The following MYLK variants were observed in gnomAD, a reference collection of about 807,000 sequenced individuals.
MYLK encodes myosin light chain kinase.
A neutral mutation model predicts 203.4 loss-of-function variants in MYLK; 106 were observed. That is an observed-to-expected ratio of 0.52 (90% CI 0.45 to 0.61). The LOEUF (loss-of-function observed/expected upper bound fraction) is 0.61. MYLK is among the 20% of genes least tolerant of loss of function. MYLK has a pLI of 0.00. For synonymous variants in MYLK, 867 were observed against 959.5 expected, an observed-to-expected ratio of 0.90 and a Z score of 1.78; for missense variants, 2,072 against 2,442.3, an observed-to-expected ratio of 0.85 and a Z score of 3.20.
intron 20 of MYLK, among the ~76,000 whole-genome samples, chr3:123,677,918 T>TATATATATATATATATATATACACAC (rs1273803739): frequency 7.6e-5 from 6 of 78,906 alleles, no homozygotes; most frequent in East Asian, 1.7e-3. Flanking sequence ...TATATATATA[T>TATATATATATATATATATATACACAC]ACACACACAC....
intron 2 of MYLK, among the ~76,000 whole-genome samples, chr3:123,846,502 C>T (rs1452683719): frequency 6.6e-6 from 1 of 151,992 alleles, no homozygotes; most frequent in Non-Finnish European, 1.5e-5. Context: ...GGACTGTTTC[C>T]CATTTTTTGC....
intron 11 of MYLK, among the ~76,000 whole-genome samples, chr3:123,731,294 C>G (rs1436977561): frequency 6.6e-6 from 1 of 152,202 alleles, no homozygotes; most frequent in Non-Finnish European, 1.5e-5. Context: ...CAACAGTATA[C>G]AGTGAAAAGT....
rs115538267 is a variant in MYLK at position 123,713,165 on chromosome 3, C to T, written c.1805-3272G>A. Among the ~76,000 whole-genome samples the T allele has an allele frequency of 1.4e-3, 217 of 152,260 alleles. 1 individual carries two copies. The highest frequency in any genetic ancestry group is 5.1e-3 in the African/African-American group (210 of 41,520). Reference sequence around the variant, plus strand: ...TTAGTTCGGTGTCACTCATTGCCCCCGGTCCTGTGTTTTGTTCCCCAAAGC... The same window carrying T: ...TTAGTTCGGTGTCACTCATTGCCCCTGGTCCTGTGTTTTGTTCCCCAAAGC... On this transcript the variant is annotated intron_variant, in intron 13 of 33. Coordinates refer to ENST00000360304, the MANE Select transcript of MYLK (RefSeq NM_053025.4).
intron 19 of MYLK, among the ~76,000 whole-genome samples, chr3:123,689,371 A>G (rs2060575886): frequency 6.6e-6 from 1 of 152,172 alleles, no homozygotes; most frequent in Non-Finnish European, 1.5e-5. Flanking sequence ...CCCCACAGGG[A>G]GGACTGTTAC....
chr3:123,752,214 G>A, intron 5 of MYLK, 117 bp downstream of exon 5: 1 of 1,075,704 alleles, frequency 9.3e-7, no homozygotes, highest in Non-Finnish European at 1.4e-6. Context: ...CAAGGATGGG[G>A]TGTGTTTTCT....
intron 4 of MYLK, among the ~76,000 whole-genome samples, chr3:123,780,836 T>A (rs2064269210): frequency 6.6e-6 from 1 of 152,046 alleles, no homozygotes; most frequent in South Asian, 2.1e-4. Flanking sequence ...AACACAAAGA[T>A]GAATAAGAGA....
rs2059095634 is a variant in MYLK at position 123,648,388 on chromosome 3, C to T, written c.4415+583G>A. ...GCATTGCTTTACAGTGAGCACTGATCAGGCTACACTGACTTCTGTGGATCA... is the reference window on the plus strand; with the variant it reads ...GCATTGCTTTACAGTGAGCACTGATTAGGCTACACTGACTTCTGTGGATCA... On this transcript the variant is annotated intron_variant, in intron 26 of 33. Transcript: ENST00000360304. This position sits in a 1 kb window ranked among gnomAD's most constrained non-coding sequence, Gnocchi z 4.5. Among the ~76,000 whole-genome samples, 1 of 152,204 alleles carries T rather than the reference C, an allele frequency of 6.6e-6. No homozygotes were observed. The highest frequency in any genetic ancestry group is 6.5e-5 in the Admixed American group (1 of 15,280).
Position 123,612,643 on chromosome 3 carries a change from T to C in MYLK, c.*1462A>G, listed in dbSNP as rs1218016447. 6.6e-6 allele frequency: 1 copy of C among 152,600 alleles called. No individual in the cohort carries two copies. Among genetic ancestry groups the C allele is most frequent in the African/African-American group, 2.4e-5 (1 of 41,434 alleles). The allele number at this position is 152,600 out of a possible 1,614,324, so 9.5% of individuals were successfully genotyped here. ...AGGAAAAATACTGGCAGTTTGAAAC[T>C]AGCAGCAAAAAGCAGATAAAAATAG... On this transcript the variant is annotated 3_prime_UTR_variant, in exon 34 of 34. Coordinates refer to ENST00000360304, the MANE Select transcript of MYLK (RefSeq NM_053025.4).
At chr3:123,771,804 TAACAC>T (rs1422667829) in intron 4 of MYLK, among the ~76,000 whole-genome samples, 1 of 152,224 alleles carries the variant, frequency 6.6e-6, no homozygotes, top group Non-Finnish European at 1.5e-5. Context: ...CAAATTCATC[TAACAC>T]AAGGCCTATT....
At chr3:123,821,751 G>A (rs2065944832) in intron 3 of MYLK, among the ~76,000 whole-genome samples, 1 of 152,196 alleles carries the variant, frequency 6.6e-6, no homozygotes, top group East Asian at 1.9e-4. Flanking sequence ...GTTTATGTAA[G>A]AGACAGGACA....
chr3:123,732,910 G>A lies in MYLK; in HGVS notation c.1502C>T (p.Thr501Ile), dbSNP rs1460837457. ...AGTGTACTCACTTTCCACTTGGAGG[G>A]TCCAGCTACAGGACAGCTGGCCTTG... ...NAQGQLSCSWTLQVERLAVME... is the reference protein window; with the variant it reads ...NAQGQLSCSWILQVERLAVME... The change falls in exon 11 of 34, where the codon ACC becomes ATC. Residue 501 changes from threonine to isoleucine, a missense_variant. Physicochemically the swap from Thr to Ile is moderately conservative, Grantham distance 89. Transcript: ENST00000360304. The A allele has an allele frequency of 1.2e-6, 2 of 1,614,114 alleles. No homozygotes were observed. Among genetic ancestry groups the A allele is most frequent in the Non-Finnish European group, 1.7e-6 (2 of 1,180,030 alleles).
chr3:123,755,413 C>A (rs529201430), intron 4 of MYLK, among the ~76,000 whole-genome samples: 39 of 152,248 alleles, frequency 2.6e-4, no homozygotes, highest in African/African-American at 9.1e-4. Context: ...CTCTGAAATG[C>A]CCTCTTAAAA....
At position 123,612,030 on chromosome 3, in the gene MYLK, G is replaced by T. The variant is rs1169617653; in HGVS notation, c.*2075C>A. On this transcript the variant is annotated 3_prime_UTR_variant, in exon 34 of 34. Transcript: ENST00000360304. ...GGTTCCTAACAGGCTACTTACCGGG[G>T]GTTGGGGACACCTGCTCTATAAGAT... 6.6e-6 allele frequency: 1 copy of T among 152,248 alleles called. No individual in the cohort carries two copies. Among genetic ancestry groups the T allele is most frequent in the African/African-American group, 2.4e-5 (1 of 41,426 alleles). The allele number at this position is 152,248 out of a possible 1,614,324, so 9.4% of individuals were successfully genotyped here. A position where few individuals can be genotyped will look rare whatever the true frequency, so the allele number is the denominator to read the frequency against.
At chr3:123,820,301 G>T (rs1161072936) in intron 3 of MYLK, among the ~76,000 whole-genome samples, 1 of 152,210 alleles carries the variant, frequency 6.6e-6, no homozygotes, top group African/African-American at 2.4e-5. Flanking sequence ...TGGGAGCAGG[G>T]AAGTACAGAT....
chr3:123,852,797 A>T (rs2148670146), intron 2 of MYLK, among the ~76,000 whole-genome samples: 1 of 152,290 alleles, frequency 6.6e-6, no homozygotes, highest in Middle Eastern at 3.4e-3. Context: ...ATGCTAAAGT[A>T]TGGCAAGACA....
At chr3:123,817,895 G>A (rs2065800523) in intron 3 of MYLK, among the ~76,000 whole-genome samples, 1 of 152,198 alleles carries the variant, frequency 6.6e-6, no homozygotes, top group South Asian at 2.1e-4. Flanking sequence ...GCTCCAAGAA[G>A]GGACAGGGGG....
At chr3:123,749,737 C>T (rs549776337) in intron 5 of MYLK, among the ~76,000 whole-genome samples, 1 of 152,324 alleles carries the variant, frequency 6.6e-6, no homozygotes, top group Admixed American at 6.5e-5. Flanking sequence ...GTGGGGCAGC[C>T]ATGAACTCCA....
At chr3:123,807,010 C>T (rs1001465938) in intron 3 of MYLK, among the ~76,000 whole-genome samples, 14 of 152,024 alleles carry the variant, frequency 9.2e-5, no homozygotes, top group Admixed American at 7.9e-4. Flanking sequence ...ATGGAACACC[C>T]GAAGCTCAAA....
chr3:123,842,834 A>C (rs1397416936), intron 2 of MYLK, among the ~76,000 whole-genome samples: 1 of 152,256 alleles, frequency 6.6e-6, no homozygotes, highest in Non-Finnish European at 1.5e-5. Context: ...ATAGACAAAG[A>C]TCTCTCCTTT....
Sources: gnomAD v4.1 joint callset for allele counts (sites outside exome capture counted in the v4.1 genomes callset) on GRCh38, gnomAD v4.1.1 for gene constraint, Gnocchi (gnomAD v3.1) non-coding constraint, MANE v1.5 for transcripts, NCBI Gene and HGNC (gene_info 2026-07-23, HGNC 2026-07-21) for gene names.